Variants in XYLB observed in about 807,000 individuals in gnomAD.
XYLB encodes xylulose kinase.
A neutral mutation model predicts 78.7 loss-of-function variants in XYLB; 62 were observed. That is an observed-to-expected ratio of 0.79 (90% CI 0.64 to 0.97). XYLB has a LOEUF of 0.97. Ranked by LOEUF, XYLB falls within the 50% of genes least tolerant of loss-of-function variation. The probability of loss-of-function intolerance (pLI) is 0.00; values close to 1 mark genes in which losing one functional copy is unlikely to be tolerated. For missense variants in XYLB, 687 were observed against 676.8 expected, an observed-to-expected ratio of 1.02 and a Z score of -0.17; for synonymous variants, 245 against 247.4, an observed-to-expected ratio of 0.99 and a Z score of 0.09.
In XYLB at chr3:38,414,563, A is replaced by T. The variant is rs1047097077; in HGVS notation, c.*1550A>T. The T allele has an allele frequency of 1.3e-5, 2 of 152,246 alleles. No individual in the cohort carries two copies. The highest frequency in any genetic ancestry group is 2.9e-5 in the Non-Finnish European group (2 of 68,048). The allele number at this position is 152,246 out of a possible 1,614,324, so 9.4% of individuals were successfully genotyped here. ...TGAATTTGAAAATAAATAATTGTGG[A>T]TATAAAAGAACACCAGAGATCAGAA... On this transcript the variant is annotated 3_prime_UTR_variant, in exon 19 of 19. Coordinates refer to ENST00000207870, the MANE Select transcript of XYLB (RefSeq NM_005108.4).
At chr3:38,370,238 G>GCACACACACACACACA (rs1553653435) in intron 9 of XYLB, 64 bp downstream of exon 9, 2 of 326,696 alleles carry the variant, frequency 6.1e-6, no homozygotes, top group East Asian at 4.8e-5. Flanking sequence ...AAGCACTGTA[G>GCACACACACACACACA]CGCACACACA....
chr3:38,368,059 G>A (rs1268093110), intron 7 of XYLB, 126 bp from the exon 8 acceptor site: 1 of 815,972 alleles, frequency 1.2e-6, no homozygotes, highest in Non-Finnish European at 2.1e-6. Flanking sequence ...ACCATTACTT[G>A]GGCCTTTTGT....
chr3:38,354,588 C>T lies in XYLB; in HGVS notation c.141-5751C>T, dbSNP rs1012251069. On this transcript the variant is annotated intron_variant, in intron 2 of 18. Transcript: ENST00000207870. Reference sequence around the variant, plus strand: ...TGTGTTCTCTGCTCACTGCAACCTCCACCTCCTGGGTTCAAGCAATTCTCC... The same window carrying T: ...TGTGTTCTCTGCTCACTGCAACCTCTACCTCCTGGGTTCAAGCAATTCTCC... Among the ~76,000 whole-genome samples, 4 of 151,844 alleles carry T rather than the reference C, an allele frequency of 2.6e-5. No homozygotes were observed. In the East Asian group the frequency reaches 7.8e-4, roughly 29 times the overall value.
chr3:38,409,690 C>T (rs932216255), intron 18 of XYLB, among the ~76,000 whole-genome samples: 3 of 152,202 alleles, frequency 2.0e-5, no homozygotes, highest in African/African-American at 7.2e-5. Context: ...TCAGCAAAGT[C>T]TCAGGATACA....
the XYLB span, among the ~76,000 whole-genome samples, chr3:38,428,324 A>G: frequency 6.6e-6 from 1 of 152,252 alleles, no homozygotes; most frequent in Non-Finnish European, 1.5e-5. Flanking sequence ...GTAAATGACA[A>G]TAAGGTCGAA....
At chr3:38,449,834 G>T in the XYLB span, among the ~76,000 whole-genome samples, 1 of 152,150 alleles carries the variant, frequency 6.6e-6, no homozygotes, top group African/African-American at 2.4e-5. Flanking sequence ...TTAAGGTTTT[G>T]GGATTTTTCC....
the XYLB span, among the ~76,000 whole-genome samples, chr3:38,442,819 C>A: frequency 7.0e-6 from 1 of 142,734 alleles, no homozygotes; most frequent in East Asian, 2.1e-4. Flanking sequence ...AGGGATATTG[C>A]GTTTGATAGG....
the XYLB span, among the ~76,000 whole-genome samples, chr3:38,427,558 C>G: frequency 6.6e-6 from 1 of 151,886 alleles, no homozygotes; most frequent in African/African-American, 2.4e-5. Context: ...TTATTATTTA[C>G]TTCAGGTTTA....
intron 2 of XYLB, among the ~76,000 whole-genome samples, chr3:38,355,467 G>T (rs1222309132): frequency 6.6e-6 from 1 of 152,202 alleles, no homozygotes; most frequent in Non-Finnish European, 1.5e-5. Flanking sequence ...ACCCAATGTA[G>T]ATAATTATTT....
At position 38,378,960 on chromosome 3, in the gene XYLB, A is replaced by C. The variant is rs111514502; in HGVS notation, c.1195-286A>C. ...ACTAATGTAACTTATTGAAGATTGC[A>C]GAGCTGAATGGTAGACAGAACTTGA... On this transcript the variant is annotated intron_variant, in intron 14 of 18. Coordinates refer to ENST00000207870, the MANE Select transcript of XYLB (RefSeq NM_005108.4). Among the ~76,000 whole-genome samples, 2 of 152,054 alleles carry C rather than the reference A, an allele frequency of 1.3e-5. 1 individual carries two copies. The highest frequency in any genetic ancestry group is 4.8e-5 in the African/African-American group (2 of 41,454).
At chr3:38,425,938 AT>A (rs1709091337), downstream of XYLB, among the ~76,000 whole-genome samples, 1 of 152,196 alleles carries the variant, frequency 6.6e-6, no homozygotes, top group African/African-American at 2.4e-5. Context: ...TGATCATTCT[AT>A]TTTAGCGGTA....
chr3:38,419,578 T>TTATATATATATATATATATATATA (rs67869604), downstream of XYLB, among the ~76,000 whole-genome samples: 138 of 68,188 alleles, frequency 2.0e-3, no homozygotes, highest in African/African-American at 5.6e-3. Flanking sequence ...TTATTTTTCT[T>TTATATATATATATATATATATATA]TATATATATA....
chr3:38,357,196 A>C (rs1202116889), intron 2 of XYLB: 1 of 152,236 alleles, frequency 6.6e-6, no homozygotes, highest in Non-Finnish European at 1.5e-5. Flanking sequence ...ACCTGAGCAA[A>C]CTAATACAAT....
At chr3:38,431,692 A>G in the XYLB span, among the ~76,000 whole-genome samples, 2 of 152,194 alleles carry the variant, frequency 1.3e-5, no homozygotes, top group African/African-American at 2.4e-5. Context: ...TGGGTTTGTC[A>G]TAAAGAAAAG....
At chr3:38,436,283 A>G in the XYLB span, among the ~76,000 whole-genome samples, 14 of 152,196 alleles carry the variant, frequency 9.2e-5, no homozygotes, top group Admixed American at 2.6e-4. Flanking sequence ...ATCAGGGACT[A>G]CTATGAACAA....
At chr3:38,419,357 T>A (rs1708899215), downstream of XYLB, among the ~76,000 whole-genome samples, 1 of 151,864 alleles carries the variant, frequency 6.6e-6, no homozygotes, top group African/African-American at 2.4e-5. Context: ...TGATTGTAAA[T>A]AATGCTGCTA....
chr3:38,363,947 T>A (rs931254849), intron 4 of XYLB, among the ~76,000 whole-genome samples: 3 of 152,306 alleles, frequency 2.0e-5, no homozygotes, highest in African/African-American at 7.2e-5. Context: ...CTCCATGACC[T>A]AACAGGAATT....
At chr3:38,434,291 C>G in the XYLB span, among the ~76,000 whole-genome samples, 1 of 152,096 alleles carries the variant, frequency 6.6e-6, no homozygotes, top group Non-Finnish European at 1.5e-5. Flanking sequence ...TTCTAAAGTC[C>G]AAGATAATGA....
At chr3:38,426,574 C>G in the XYLB span, among the ~76,000 whole-genome samples, 9 of 152,210 alleles carry the variant, frequency 5.9e-5, no homozygotes, top group Non-Finnish European at 1.3e-4. Flanking sequence ...CTTGGAGGCT[C>G]TGCAATTTGA....
Sources: gnomAD v4.1 joint callset for allele counts (sites outside exome capture counted in the v4.1 genomes callset) on GRCh38, gnomAD v4.1.1 for gene constraint, MANE v1.5 for transcripts, NCBI Gene and HGNC (gene_info 2026-07-23, HGNC 2026-07-21) for gene names.